LGSN: variants seen among roughly 807,000 people sequenced by gnomAD.
LGSN encodes lengsin.
In LGSN, 21 loss-of-function variants were observed where a neutral mutation model predicts 19.5. That is an observed-to-expected ratio of 1.07 (90% CI 0.76 to 1.55). The LOEUF is 1.55. Ranked by LOEUF, LGSN falls within the 40% of genes most tolerant of loss-of-function variation. LGSN has a pLI of 0.00. For missense variants in LGSN, 673 were observed against 608.5 expected, an observed-to-expected ratio of 1.11 and a Z score of -1.12; for synonymous variants, 257 against 215.6, an observed-to-expected ratio of 1.19 and a Z score of -1.68.
At chr6:63,526,829 A>ATT in the LGSN span, among the ~76,000 whole-genome samples, 22 of 139,980 alleles carry the variant, frequency 1.6e-4, no homozygotes, top group African/African-American at 6.0e-4. Flanking sequence ...ATATATATAT[A>ATT]TATATATTTA....
At chr6:63,440,288 C>T in the LGSN span, among the ~76,000 whole-genome samples, 1 of 152,156 alleles carries the variant, frequency 6.6e-6, no homozygotes, top group Non-Finnish European at 1.5e-5. Context: ...CGGGGTGGAG[C>T]CTCGCGAAGT....
the LGSN span, among the ~76,000 whole-genome samples, chr6:63,495,087 A>G: frequency 6.6e-6 from 1 of 152,138 alleles, no homozygotes; most frequent in African/African-American, 2.4e-5. Flanking sequence ...TTGACACAGC[A>G]CTGTACTAGA....
the LGSN span, among the ~76,000 whole-genome samples, chr6:63,410,940 G>A: frequency 3.3e-5 from 5 of 152,134 alleles, no homozygotes; most frequent in Non-Finnish European, 7.3e-5. Context: ...AACGAGGTTT[G>A]GCATAAAGCT....
chr6:63,453,727 C>T, the LGSN span, among the ~76,000 whole-genome samples: 1 of 152,062 alleles, frequency 6.6e-6, no homozygotes, highest in Non-Finnish European at 1.5e-5. Context: ...GATCTCGGCT[C>T]ACTGCAAGCT....
At chr6:63,382,685 C>G in the LGSN span, among the ~76,000 whole-genome samples, 1 of 152,202 alleles carries the variant, frequency 6.6e-6, no homozygotes, top group Non-Finnish European at 1.5e-5. Flanking sequence ...GACATATATA[C>G]TTGATAATAC....
the LGSN span, among the ~76,000 whole-genome samples, chr6:63,397,900 A>C: frequency 6.6e-6 from 1 of 152,166 alleles, no homozygotes; most frequent in Non-Finnish European, 1.5e-5. Context: ...AGATCATGCC[A>C]CTGCACTCCA....
the LGSN span, among the ~76,000 whole-genome samples, chr6:63,363,202 A>T: frequency 1.3e-5 from 2 of 152,250 alleles, no homozygotes; most frequent in Admixed American, 6.5e-5. Flanking sequence ...GTATGTCACC[A>T]TCATCAAAGA....
the LGSN span, chr6:63,572,572 CCCGCCGCCGCCTGCATCG>C: frequency 4.8e-6 from 2 of 413,444 alleles, no homozygotes; most frequent in Non-Finnish European, 8.4e-6. Context: ...GTCTGGTGCC[CCCGCCGCCGCCTGCATCG>C]CCGCCACCGC....
the LGSN span, among the ~76,000 whole-genome samples, chr6:63,508,583 G>C: frequency 6.6e-6 from 1 of 152,144 alleles, no homozygotes; most frequent in South Asian, 2.1e-4. Context: ...AAAGTCATTA[G>C]GGTAATTCAC....
chr6:63,503,251 A>C, the LGSN span, among the ~76,000 whole-genome samples: 2 of 152,332 alleles, frequency 1.3e-5, no homozygotes, highest in Non-Finnish European at 2.9e-5. Flanking sequence ...AATTTGTAAG[A>C]TATAACTTAT....
At chr6:63,419,326 CA>C in the LGSN span, among the ~76,000 whole-genome samples, 1 of 152,096 alleles carries the variant, frequency 6.6e-6, no homozygotes, top group Non-Finnish European at 1.5e-5. Context: ...AGCCAAAATC[CA>C]ATGTGTTGAT....
At chr6:63,354,273 A>G in the LGSN span, among the ~76,000 whole-genome samples, 1 of 152,188 alleles carries the variant, frequency 6.6e-6, no homozygotes, top group Non-Finnish European at 1.5e-5. Flanking sequence ...TCCAAAATAC[A>G]TAAGGAACTC....
At chr6:63,568,707 G>A in the LGSN span, among the ~76,000 whole-genome samples, 4 of 151,834 alleles carry the variant, frequency 2.6e-5, no homozygotes, top group African/African-American at 9.7e-5. Flanking sequence ...AGGTATGCCT[G>A]TATACTACAT....
At chr6:63,427,310 C>T in the LGSN span, among the ~76,000 whole-genome samples, 1 of 152,172 alleles carries the variant, frequency 6.6e-6, no homozygotes. Flanking sequence ...TCCCAAAGTG[C>T]TGGGATTACA....
At chr6:63,337,077 C>G in the LGSN span, among the ~76,000 whole-genome samples, 1 of 151,578 alleles carries the variant, frequency 6.6e-6, no homozygotes, top group Admixed American at 6.6e-5. Context: ...GCACGCACCA[C>G]CATGCCTGGC....
At chr6:63,283,665 C>A (rs1449119134) in intron 3 of LGSN, among the ~76,000 whole-genome samples, 1 of 148,794 alleles carries the variant, frequency 6.7e-6, no homozygotes, top group Non-Finnish European at 1.5e-5. Context: ...CACACACACA[C>A]GATATTTAGG....
chr6:63,572,795 T>C, the LGSN span: 1 of 397,684 alleles, frequency 2.5e-6, no homozygotes, highest in East Asian at 3.6e-5. Flanking sequence ...TCGCCTTTGT[T>C]CGGAGCCCGG....
At chr6:63,388,774 G>C in the LGSN span, among the ~76,000 whole-genome samples, 3 of 152,202 alleles carry the variant, frequency 2.0e-5, no homozygotes, top group Non-Finnish European at 1.5e-5. Flanking sequence ...GGGATAACTG[G>C]CTTCGAGGGC....
the LGSN span, among the ~76,000 whole-genome samples, chr6:63,404,295 G>A: frequency 0.11 from 16,232 of 151,896 alleles, 1,778 homozygotes; most frequent in African/African-American, 0.29. Context: ...ATAAAAATGC[G>A]TTAACTTAAA....
Sources: gnomAD v4.1 joint callset for allele counts (sites outside exome capture counted in the v4.1 genomes callset) on GRCh38, gnomAD v4.1.1 for gene constraint, MANE v1.5 for transcripts, NCBI Gene and HGNC (gene_info 2026-07-23, HGNC 2026-07-21) for gene names.